Variants in ACBD4 observed in about 807,000 individuals in gnomAD.
ACBD4 encodes acyl-CoA-binding domain-containing protein 4.
A neutral mutation model predicts 46.0 loss-of-function variants in ACBD4; 41 were observed. The ratio of observed to expected loss-of-function variants is 0.89; its 90% CI spans 0.69 to 1.16. ACBD4 has a LOEUF of 1.16. Among genes scored for constraint, ACBD4 ranks in the 50% most tolerant of loss-of-function variants. ACBD4 has a pLI of 0.00. For synonymous variants in ACBD4, 162 were observed against 155.9 expected (o/e 1.04, Z -0.29); for missense variants, 393 against 399.5 (o/e 0.98, Z 0.14).
At position 45,136,743 on chromosome 17, in the gene ACBD4, C is replaced by G. The variant is rs907368876; in HGVS notation, c.261C>G (p.Ala87=). The G allele has an allele frequency of 2.5e-6, 4 of 1,613,686 alleles. No homozygotes were observed. The highest frequency in any genetic ancestry group is 3.4e-6 in the Non-Finnish European group (4 of 1,180,040). Residue 87 remains alanine, a synonymous_variant, in exon 4 of 10, where the codon GCC becomes GCG. Transcript: ENST00000321854. ...TGAGCAGGGAGGAGGCCATGTCTGC[C>G]TACATCACTGAAATGAAACTGGTGG... The part of the protein sequence containing the change: ...GKMSREEAMS[A]YITEMKLVAQ...
At chr17:45,139,192 T>C (rs2055101635) in intron 9 of ACBD4, 32 bp downstream of exon 9, 2 of 1,610,740 alleles carry the variant, frequency 1.2e-6, no homozygotes, top group African/African-American at 2.7e-5. Flanking sequence ...GACAAGATGA[T>C]GGCAGAATCC....
At position 45,138,255 on chromosome 17, in the gene ACBD4, G is replaced by C. The variant is rs1598083505; in HGVS notation, c.649+267G>C. 5.3e-6 allele frequency: 3 copies of C among 567,052 alleles called. No homozygotes were observed. In the African/African-American group the frequency reaches 5.6e-5, roughly 11 times the overall value. 35.1% of individuals were successfully genotyped at this position (567,052 alleles called of 1,614,324 possible). ...TAAGGCCAGCGGGATGGGAGTCCTA[G>C]CCCAGTTCTCCCACCTACAGCTGCA... is the stretch of plus-strand genomic sequence containing the variant. On this transcript the variant is annotated intron_variant, in intron 8 of 9. Coordinates refer to ENST00000321854, the MANE Select transcript of ACBD4 (RefSeq NM_001135705.3).
In ACBD4 at chr17:45,144,147, A is replaced by G; in HGVS notation, c.*576A>G. The G allele has an allele frequency of 6.5e-6, 1 of 152,904 alleles. No homozygotes were observed. Among genetic ancestry groups the G allele is most frequent in the East Asian group, 1.9e-4 (1 of 5,204 alleles). 9.5% of individuals were successfully genotyped at this position (152,904 alleles called of 1,614,324 possible). A position where few individuals can be genotyped will look rare whatever the true frequency, so the allele number is the denominator to read the frequency against. ...TTCATTGAAGATTCACTTACAAAGG[A>G]ATGTTTCACTAAATAAAAGAAAACC... On this transcript the variant is annotated 3_prime_UTR_variant, in exon 10 of 10. Coordinates refer to ENST00000321854, the MANE Select transcript of ACBD4 (RefSeq NM_001135705.3).
intron 9 of ACBD4, chr17:45,142,774 G>A (rs1387582860): frequency 6.5e-6 from 1 of 154,720 alleles, no homozygotes; most frequent in South Asian, 1.7e-4. Flanking sequence ...GGCCACGCTG[G>A]TCTTGAACTC....
chr17:45,132,011 C>T (rs1373889246), upstream of ACBD4, among the ~76,000 whole-genome samples: 1 of 152,184 alleles, frequency 6.6e-6, no homozygotes, highest in Non-Finnish European at 1.5e-5. This position sits in a 1 kb window ranked among gnomAD's most constrained non-coding sequence, Gnocchi z 4.6. Context: ...GCTTCAGACG[C>T]CCCGCGAGCG....
chr17:45,137,940 G>A lies in ACBD4; in HGVS notation c.601G>A (p.Gly201Arg), dbSNP rs771708890. The A allele has an allele frequency of 3.1e-6, 5 of 1,613,864 alleles. No homozygotes were observed. In the South Asian group the frequency reaches 4.4e-5, roughly 14 times the overall value. The change falls in exon 8 of 10, where the codon GGA (glycine) becomes AGA (arginine). Residue 201 changes from glycine to arginine, a missense_variant. Gly to Arg is a moderately radical substitution (Grantham distance 125, BLOSUM62 -2). Around this residue, in one of 3 missense-constraint regions of ACBD4, gnomAD observed 308 missense variants for 301.8 expected, o/e 1.02. Coordinates refer to ENST00000321854, the MANE Select transcript of ACBD4 (RefSeq NM_001135705.3). ...TTGGACAGAGCAGCGGGCAGCATCT[G>A]GAGGAAAGCGTGATCCCAGGAACAG... ...LVWTEQRAAS[G>R]GKRDPRNSPV...
In ACBD4 at chr17:45,136,505, TA is replaced by T. The variant is rs769479084; in HGVS notation, c.95del (p.Tyr32SerfsTer48). ...CTTCCCAACTCTCTGCCCAGGTTCT[TA>T]CCGCCCCTCCTATGAAGAGATGCTG... ...VIQNLPKNGS[Y>X]RPSYEEMLRF... is the part of the protein sequence containing the mutation. On this transcript the variant is annotated frameshift_variant, in exon 3 of 10. Coordinates refer to ENST00000321854, the MANE Select transcript of ACBD4 (RefSeq NM_001135705.3). LOFTEE classifies it high-confidence loss of function. 6.2e-7 allele frequency: 1 copy of T among 1,612,756 alleles called. No homozygotes were observed. Among genetic ancestry groups the T allele is most frequent in the East Asian group, 2.2e-5 (1 of 44,864 alleles).
chr17:45,143,311 G>A, intron 9 of ACBD4, 132 bp from the exon 10 acceptor site: 1 of 746,098 alleles, frequency 1.3e-6, no homozygotes, highest in South Asian at 2.1e-5. Flanking sequence ...ACCACCTGGG[G>A]GCCACTTCCT....
intron 9 of ACBD4, among the ~76,000 whole-genome samples, chr17:45,140,229 G>A (rs566899899): frequency 6.6e-6 from 1 of 151,144 alleles, no homozygotes; most frequent in African/African-American, 2.4e-5. Context: ...TGTCGCCCAG[G>A]CTGAAGTACA....
upstream of ACBD4, among the ~76,000 whole-genome samples, chr17:45,133,746 T>C (rs1406860309): frequency 6.6e-6 from 1 of 151,670 alleles, no homozygotes; most frequent in African/African-American, 2.4e-5. Flanking sequence ...TTAGCCGGGA[T>C]GGTCTCGATC....
At chr17:45,136,911 C>A in intron 4 of ACBD4, 108 bp from the exon 5 acceptor site, 1 of 1,591,738 alleles carries the variant, frequency 6.3e-7, no homozygotes, top group South Asian at 1.1e-5. Context: ...CCAACCCTGC[C>A]TATCTTTGGC....
intron 8 of ACBD4, among the ~76,000 whole-genome samples, chr17:45,138,805 G>C: frequency 6.6e-6 from 1 of 150,502 alleles, no homozygotes; most frequent in Non-Finnish European, 1.5e-5. Context: ...AAAAAAAAAA[G>C]GTAATGACTT....
upstream of ACBD4, among the ~76,000 whole-genome samples, chr17:45,133,963 AT>A (rs1399104270): frequency 6.6e-6 from 1 of 152,114 alleles, no homozygotes; most frequent in African/African-American, 2.4e-5. Flanking sequence ...CTAAGTCTAC[AT>A]TTCTTTTAAT....
Position 45,137,971 on chromosome 17 carries a change from T to C in ACBD4, c.632T>C (p.Val211Ala). ...GGKRDPRNSPVPPTKKEGLRG... is the reference protein window; with the variant it reads ...GGKRDPRNSPAPPTKKEGLRG... ...AAGCGTGATCCCAGGAACAGCCCCG[T>C]GCCCCCCACAAAGAAAGGTGAGCTC... The change falls in exon 8 of 10, where the codon GTG (valine) becomes GCG (alanine). Residue 211 changes from valine to alanine, a missense_variant. Physicochemically the swap from Val to Ala is moderately conservative, Grantham distance 64. Coordinates refer to ENST00000321854, the MANE Select transcript of ACBD4 (RefSeq NM_001135705.3). 1 of 1,613,672 alleles carries C rather than the reference T, an allele frequency of 6.2e-7. No individual in the cohort carries two copies. The highest frequency in any genetic ancestry group is 8.5e-7 in the Non-Finnish European group (1 of 1,179,938).
In ACBD4 at chr17:45,143,930, T is replaced by C. The variant is rs1360837847; in HGVS notation, c.*359T>C. 7.5e-6 allele frequency: 2 copies of C among 267,314 alleles called. No individual in the cohort carries two copies. The highest frequency in any genetic ancestry group is 8.4e-5 in the East Asian group (1 of 11,928). 16.6% of individuals were successfully genotyped at this position (267,314 alleles called of 1,614,324 possible). Reference sequence around the variant, plus strand: ...CCACCCCTGCTTCTCCCCGAGGAGGTTGAGCTCTTGAGCAAGTTGGGACTT... The same window carrying C: ...CCACCCCTGCTTCTCCCCGAGGAGGCTGAGCTCTTGAGCAAGTTGGGACTT... On this transcript the variant is annotated 3_prime_UTR_variant, in exon 10 of 10. Transcript: ENST00000321854.
chr17:45,138,010 C>T (rs372019357), intron 8 of ACBD4, 22 bp downstream of exon 8: 13 of 1,606,122 alleles, frequency 8.1e-6, no homozygotes, highest in African/African-American at 2.7e-5. Flanking sequence ...CCCAACCTCT[C>T]ACCCACTTCT....
rs200980365 is a variant in ACBD4 at position 45,136,765 on chromosome 17, G to A, written c.283G>A (p.Val95Met). 112 of 1,613,420 alleles carry A rather than the reference G, an allele frequency of 6.9e-5. No homozygotes were observed. The African/African-American group carries it at 1.4e-3, about 20-fold the overall frequency. The change falls in exon 4 of 10, where the codon GTG becomes ATG. Residue 95 changes from valine (V) to methionine (M), a missense_variant. Coordinates refer to ENST00000321854, the MANE Select transcript of ACBD4 (RefSeq NM_001135705.3). Reference protein sequence around the residue: ...MSAYITEMKLVAQKVIDTVPL... With the variant: ...MSAYITEMKLMAQKVIDTVPL... ...TGCCTACATCACTGAAATGAAACTG[G>A]TGGCACAGAAGGTAAGGGCTGCAGG...
upstream of ACBD4, chr17:45,132,489 C>G (rs1274204671): frequency 3.7e-5 from 32 of 858,528 alleles, no homozygotes; most frequent in Non-Finnish European, 4.6e-5. This position sits in a 1 kb window ranked among gnomAD's most constrained non-coding sequence, Gnocchi z 4.6. Flanking sequence ...GGCCCGGCCC[C>G]GGCTCTGAGC....
Position 45,135,929 on chromosome 17 carries a change from C to A in ACBD4, c.-62C>A. On this transcript the variant is annotated 5_prime_UTR_variant, in exon 1 of 10. Coordinates refer to ENST00000321854, the MANE Select transcript of ACBD4 (RefSeq NM_001135705.3). The stretch of plus-strand genomic sequence containing the variant: ...GCCACCTGCCTCGCCACCTGGCGAC[C>A]CTGACCCCACCACACTGCCTTGAGG... 1.8e-6 allele frequency: 1 copy of A among 556,052 alleles called. No homozygotes were observed. The allele number at this position is 556,052 out of a possible 1,614,324, so 34.4% of individuals were successfully genotyped here.
Sources: allele counts gnomAD v4.1 joint callset (sites outside exome capture counted in the v4.1 genomes callset), GRCh38; gene constraint gnomAD v4.1.1; regional missense constraint gnomAD v4.1.1; non-coding constraint Gnocchi (gnomAD v3.1); transcripts MANE v1.5; gene names NCBI Gene and HGNC (gene_info 2026-07-23, HGNC 2026-07-21).